Variants in LYST observed in about 807,000 individuals in gnomAD.
LYST encodes the protein lysosomal-trafficking regulator.
Under a neutral mutation model 413.6 loss-of-function variants are expected in LYST, and 192 were observed. The observed-to-expected ratio is 0.46, with a 90% CI of 0.41 to 0.52. The LOEUF is 0.52. Among genes scored for constraint, LYST ranks in the 20% least tolerant of loss-of-function variants. LYST has a pLI of 0.00. For synonymous variants in LYST, 1,525 were observed against 1,567.3 expected, an observed-to-expected ratio of 0.97 and a Z score of 0.64; for missense variants, 3,815 against 4,499.9, an observed-to-expected ratio of 0.85 and a Z score of 4.35.
In LYST at chr1:235,716,708, C is replaced by T. The variant is rs1334198796; in HGVS notation, c.9627+4G>A. The stretch of plus-strand genomic sequence containing the variant: ...AATAAAGTACGAGTAAAAACAAAAG[C>T]TACCTTGTATGTGTCCACATAACGA... On this transcript the variant is annotated splice_donor_region_variant and intron_variant, in intron 41 of 52. Coordinates refer to ENST00000389793, the MANE Select transcript of LYST (RefSeq NM_000081.4). 1 of 1,569,836 alleles carries T rather than the reference C, an allele frequency of 6.4e-7. No homozygotes were observed. The highest frequency in any genetic ancestry group is 1.4e-5 in the African/African-American group (1 of 73,878).
chr1:235,669,833 G>A (rs1050754913), intron 50 of LYST, among the ~76,000 whole-genome samples: 27 of 152,092 alleles, frequency 1.8e-4, no homozygotes, highest in African/African-American at 6.5e-4. Context: ...TGGGCATTTT[G>A]TCCAATTCTT....
rs756813987 is a variant in LYST, at chr1:235,762,701, C to G, written c.6253+19G>C. ...GAACTAAAATGAGAAGGTCATACTT[C>G]CATTATTGCTATTTTTACCTTCATA... On this transcript the variant is annotated intron_variant, in intron 22 of 52. Transcript: ENST00000389793. 15 of 1,610,048 alleles carry G rather than the reference C, an allele frequency of 9.3e-6. No individual in the cohort carries two copies. Among genetic ancestry groups the G allele is most frequent in the Non-Finnish European group, 1.3e-5 (15 of 1,176,720 alleles).
chr1:235,719,309 C>T (rs778142976), intron 40 of LYST, among the ~76,000 whole-genome samples: 7 of 152,192 alleles, frequency 4.6e-5, no homozygotes, highest in Non-Finnish European at 7.3e-5. Context: ...TGAGCCACCA[C>T]GCCTGGCCAA....
At chr1:235,792,747 T>C (rs1671148370) in intron 11 of LYST, among the ~76,000 whole-genome samples, 1 of 151,724 alleles carries the variant, frequency 6.6e-6, no homozygotes, top group Non-Finnish European at 1.5e-5. Flanking sequence ...CACTGCAACC[T>C]TTGCCTCCTG....
At chr1:235,782,563 A>G (rs1669985494) in intron 14 of LYST, among the ~76,000 whole-genome samples, 1 of 152,148 alleles carries the variant, frequency 6.6e-6, no homozygotes, top group Admixed American at 6.5e-5. Context: ...CTCTTGGTCA[A>G]AGGTGCTGCA....
At chr1:235,798,035 C>T (rs1194595690) in intron 10 of LYST, among the ~76,000 whole-genome samples, 1 of 152,106 alleles carries the variant, frequency 6.6e-6, no homozygotes, top group African/African-American at 2.4e-5. Flanking sequence ...TTCAACATCA[C>T]TAATCATTAG....
chr1:235,827,551 T>C (rs78171965), intron 3 of LYST: 2 of 978,808 alleles, frequency 2.0e-6, no homozygotes, highest in Non-Finnish European at 2.4e-6. Flanking sequence ...AATGATAAAA[T>C]ATCATTCAAT....
intron 1 of LYST, among the ~76,000 whole-genome samples, chr1:235,848,743 G>A (rs760649559): frequency 6.6e-6 from 1 of 151,956 alleles, no homozygotes; most frequent in African/African-American, 2.4e-5. Context: ...AGGCTACTAC[G>A]AATACATTTA....
At chr1:235,756,700 C>G (rs766847907) in intron 24 of LYST, among the ~76,000 whole-genome samples, 7 of 151,976 alleles carry the variant, frequency 4.6e-5, no homozygotes, top group Non-Finnish European at 1.0e-4. Context: ...AGATGCCCAC[C>G]CTCATGGAGC....
At chr1:235,718,998 C>A (rs765818350) in intron 40 of LYST, among the ~76,000 whole-genome samples, 13 of 152,138 alleles carry the variant, frequency 8.5e-5, no homozygotes, top group Non-Finnish European at 1.5e-5. Flanking sequence ...AGAGGCACTT[C>A]AAGTTGGCTT....
chr1:235,806,489 G>C lies in LYST; in HGVS notation c.2647C>G (p.Pro883Ala), dbSNP rs180889778. Reference protein sequence around the residue: ...KFYAGLKEAYPKRRKTVNQDV... With the variant: ...KFYAGLKEAYAKRRKTVNQDV... ...TGGTTAACAGTCTTCCGTCTCTTTGGATAAGCTTCTTTGAGGCCAGCATAA... is the reference window on the plus strand; with the variant it reads ...TGGTTAACAGTCTTCCGTCTCTTTGCATAAGCTTCTTTGAGGCCAGCATAA... Residue 883 changes from proline (P) to alanine (A), a missense_variant, in exon 6 of 53, where the codon CCA becomes GCA. Physicochemically the swap from Pro to Ala is conservative, Grantham distance 27 (BLOSUM62 -1). This residue lies in a region of LYST where 1,648 missense variants were observed against 1,810.3 expected (regional missense o/e 0.91). Coordinates refer to ENST00000389793, the MANE Select transcript of LYST (RefSeq NM_000081.4). 24 of 1,614,040 alleles carry C rather than the reference G, an allele frequency of 1.5e-5. No homozygotes were observed. The East Asian group carries it at 5.3e-4, about 36-fold the overall frequency.
At chr1:235,863,414 C>T (rs1680134564) in intron 1 of LYST, among the ~76,000 whole-genome samples, 1 of 149,032 alleles carries the variant, frequency 6.7e-6, no homozygotes, top group Middle Eastern at 3.4e-3. Flanking sequence ...TAGTAAAAGG[C>T]GAAAGATTTA....
Position 235,757,393 on chromosome 1 carries a change from A to G in LYST, c.6947T>C (p.Leu2316Pro), listed in dbSNP as rs1667141445. The change falls in exon 24 of 53, where the codon CTT becomes CCT. Residue 2316 changes from leucine (L) to proline (P), a missense_variant. Leu to Pro is a moderately conservative substitution (Grantham distance 98). Coordinates refer to ENST00000389793, the MANE Select transcript of LYST (RefSeq NM_000081.4). ...TTCAAGCAAAACATCAGGCAGGATA[A>G]GAAGAACCCCACTTAGGAGTTCATA... ...GLYELLSGVL[L>P]ILPDVLLEDV... 1.9e-6 allele frequency: 3 copies of G among 1,613,606 alleles called. No individual in the cohort carries two copies. In the South Asian group the frequency reaches 3.3e-5, roughly 18 times the overall value.
chr1:235,713,484 C>T (rs749772244), intron 42 of LYST, among the ~76,000 whole-genome samples: 4 of 152,194 alleles, frequency 2.6e-5, no homozygotes, highest in Non-Finnish European at 4.4e-5. Flanking sequence ...AACAGTACTA[C>T]TACAAATTCC....
intron 24 of LYST, among the ~76,000 whole-genome samples, chr1:235,756,214 A>G (rs577724698): frequency 2.0e-5 from 3 of 151,870 alleles, no homozygotes; most frequent in Admixed American, 2.0e-4. Flanking sequence ...CCCTTCAATG[A>G]CTCTCACAGT....
chr1:235,868,842 T>A (rs752296204), upstream of LYST, among the ~76,000 whole-genome samples: 1 of 152,084 alleles, frequency 6.6e-6, no homozygotes, highest in African/African-American at 2.4e-5. Flanking sequence ...ATTACAGGAA[T>A]GTGCTACCAT....
At chr1:235,803,409 T>C (rs185041038) in intron 7 of LYST, among the ~76,000 whole-genome samples, 117 of 152,254 alleles carry the variant, frequency 7.7e-4, no homozygotes, top group Middle Eastern at 3.4e-3. Context: ...AATACTAATA[T>C]ATATTATTTG....
chr1:235,748,839 T>C (rs1245575682), intron 28 of LYST, among the ~76,000 whole-genome samples: 2 of 152,214 alleles, frequency 1.3e-5, no homozygotes, highest in African/African-American at 2.4e-5. Flanking sequence ...GGTTCAGGGC[T>C]TGAGTAAATT....
chr1:235,881,754 G>C (rs1183050480), intron 1 of LYST, among the ~76,000 whole-genome samples: 1 of 152,140 alleles, frequency 6.6e-6, no homozygotes, highest in Non-Finnish European at 1.5e-5. Context: ...ATGCTGCTGA[G>C]TGAAAAAAGC....
Sources: gnomAD v4.1 joint callset for allele counts (sites outside exome capture counted in the v4.1 genomes callset) on GRCh38, gnomAD v4.1.1 for gene constraint, gnomAD v4.1.1 regional missense constraint, MANE v1.5 for transcripts, NCBI Gene and HGNC (gene_info 2026-07-23, HGNC 2026-07-21) for gene names.